The following SNX29 variants were observed in gnomAD, a reference collection of about 807,000 sequenced individuals.
SNX29 encodes sorting nexin-29.
A neutral mutation model predicts 102.1 loss-of-function variants in SNX29; 78 were observed. The observed-to-expected ratio is 0.76, with a 90% CI of 0.64 to 0.92. SNX29 has a LOEUF of 0.92. SNX29 is among the 40% of genes least tolerant of loss of function. The probability of loss-of-function intolerance (pLI) is 0.00; values close to 1 mark genes in which losing one functional copy is unlikely to be tolerated. For missense variants in SNX29, 1,280 were observed against 1,061.7 expected (o/e 1.21, Z -2.86); for synonymous variants, 580 against 414.5 (o/e 1.40, Z -4.85).
chr16:12,215,016 T>G (rs7201595), intron 14 of SNX29, among the ~76,000 whole-genome samples: 19,565 of 152,168 alleles, frequency 0.13, 2,189 homozygotes, highest in South Asian at 0.29. Flanking sequence ...CCTGGTGGGT[T>G]ATCAGTAGAC....
At chr16:12,491,991 C>G (rs576046710) in intron 19 of SNX29, among the ~76,000 whole-genome samples, 1 of 152,140 alleles carries the variant, frequency 6.6e-6, no homozygotes, top group African/African-American at 2.4e-5. Flanking sequence ...AATAAACATA[C>G]GTGTGCGTGT....
intron 20 of SNX29, among the ~76,000 whole-genome samples, chr16:12,526,040 A>G (rs1168007863): frequency 2.0e-5 from 3 of 152,210 alleles, no homozygotes; most frequent in Admixed American, 6.5e-5. Context: ...ACAGAATGTA[A>G]TTGTATTATT....
At chr16:12,063,945 G>T (rs1297293553) in intron 9 of SNX29, among the ~76,000 whole-genome samples, 2 of 152,070 alleles carry the variant, frequency 1.3e-5, no homozygotes, top group Non-Finnish European at 2.9e-5. Context: ...GTAGATGCAG[G>T]CAGGTCATCT....
intron 20 of SNX29, chr16:12,546,342 C>G (rs544610393): frequency 6.6e-6 from 1 of 152,224 alleles, no homozygotes; most frequent in Non-Finnish European, 1.5e-5. Flanking sequence ...TTAATGGACT[C>G]ACAGTTCCAT....
At chr16:12,190,131 A>C (rs2076605874) in intron 13 of SNX29, among the ~76,000 whole-genome samples, 1 of 151,990 alleles carries the variant, frequency 6.6e-6, no homozygotes, top group Non-Finnish European at 1.5e-5. Context: ...CTTTCTGGAG[A>C]AGCTCCTCTG....
rs1316466067 is a variant in SNX29, at chr16:11,976,763, AGCG to A, written c.-34_-32del. ...GGAGCTCGGCAGCCGCAGAAGCGGC[AGCG>A]GCGGCGGCGCGGCGCAGGCACCGGC... On this transcript the variant is annotated 5_prime_UTR_variant, in exon 1 of 21. Coordinates refer to ENST00000566228, the MANE Select transcript of SNX29 (RefSeq NM_032167.5). 4 of 1,287,050 alleles carry A rather than the reference AGCG, an allele frequency of 3.1e-6. No homozygotes were observed. Among genetic ancestry groups the A allele is most frequent in the Admixed American group, 3.6e-5 (1 of 27,926 alleles). 79.7% of individuals were successfully genotyped at this position (1,287,050 alleles called of 1,614,324 possible). A position where few individuals can be genotyped will look rare whatever the true frequency, so the allele number is the denominator to read the frequency against.
chr16:12,079,806 C>A (rs549299822), intron 11 of SNX29, among the ~76,000 whole-genome samples: 2 of 152,246 alleles, frequency 1.3e-5, no homozygotes, highest in Admixed American at 1.3e-4. Flanking sequence ...ACCAAAATAG[C>A]CATTTTAGCT....
At chr16:12,507,392 G>T (rs1198073366) in intron 19 of SNX29, among the ~76,000 whole-genome samples, 3 of 152,220 alleles carry the variant, frequency 2.0e-5, no homozygotes, top group Non-Finnish European at 2.9e-5. Flanking sequence ...ACAGTCAATG[G>T]CTAATGCAGA....
intron 18 of SNX29, among the ~76,000 whole-genome samples, chr16:12,440,729 A>G (rs769288430): frequency 3.3e-5 from 5 of 152,064 alleles, no homozygotes; most frequent in Non-Finnish European, 7.4e-5. Context: ...GATAAGGATA[A>G]TGGCCTCTAC....
intron 20 of SNX29, among the ~76,000 whole-genome samples, chr16:12,566,666 G>A (rs1003580859): frequency 6.0e-5 from 9 of 149,616 alleles, no homozygotes; most frequent in African/African-American, 1.7e-4. Flanking sequence ...CCTCTAAGGA[G>A]CATTCAGGGA....
intron 3 of SNX29, among the ~76,000 whole-genome samples, chr16:12,014,820 G>T (rs923125881): frequency 1.3e-5 from 2 of 151,612 alleles, no homozygotes; most frequent in African/African-American, 2.4e-5. Context: ...CCATTTTCTG[G>T]TTCCTCTGTA....
intron 13 of SNX29, among the ~76,000 whole-genome samples, chr16:12,134,629 C>T (rs1427781993): frequency 6.6e-6 from 1 of 152,146 alleles, no homozygotes; most frequent in East Asian, 1.9e-4. Context: ...ACAACTTGGC[C>T]TTGGAGGTGA....
intron 14 of SNX29, among the ~76,000 whole-genome samples, chr16:12,257,403 C>T (rs930036610): frequency 6.6e-6 from 1 of 152,180 alleles, no homozygotes; most frequent in Non-Finnish European, 1.5e-5. Flanking sequence ...GTCTGTAACT[C>T]TAATTATATC....
chr16:12,443,026 T>C (rs1483595132), intron 18 of SNX29: 1 of 455,944 alleles, frequency 2.2e-6, no homozygotes, highest in African/African-American at 2.0e-5. Flanking sequence ...ATTCTTAGTC[T>C]GTGGGCCGTA....
intron 20 of SNX29, among the ~76,000 whole-genome samples, chr16:12,563,127 C>A (rs1321827666): frequency 6.6e-6 from 1 of 152,096 alleles, no homozygotes; most frequent in Non-Finnish European, 1.5e-5. Flanking sequence ...TAGGAAAGGT[C>A]GCCACACGTC....
chr16:12,497,182 C>G (rs1429830379), intron 19 of SNX29, among the ~76,000 whole-genome samples: 1 of 152,198 alleles, frequency 6.6e-6, no homozygotes, highest in Non-Finnish European at 1.5e-5. Context: ...AACCAAGATC[C>G]TAAGGCATCT....
intron 1 of SNX29, among the ~76,000 whole-genome samples, chr16:11,988,687 A>T (rs2055727861): frequency 6.6e-6 from 1 of 151,906 alleles, no homozygotes; most frequent in South Asian, 2.1e-4. Flanking sequence ...GGTGTGAGCC[A>T]CCATGCTTGG....
chr16:12,560,475 C>T (rs779932824), intron 20 of SNX29, among the ~76,000 whole-genome samples: 4 of 152,286 alleles, frequency 2.6e-5, no homozygotes, highest in Non-Finnish European at 1.5e-5. Flanking sequence ...CTGGGAGTCA[C>T]ACTTACCTCC....
At chr16:12,235,803 GTGTGTGTA>G (rs1046163384) in intron 14 of SNX29, among the ~76,000 whole-genome samples, 12 of 151,666 alleles carry the variant, frequency 7.9e-5, no homozygotes, top group African/African-American at 2.9e-4. Context: ...GTGTGTGTGT[GTGTGTGTA>G]TGTGTATGTG....
Sources: gnomAD v4.1 joint callset for allele counts (sites outside exome capture counted in the v4.1 genomes callset) on GRCh38, gnomAD v4.1.1 for gene constraint, MANE v1.5 for transcripts, NCBI Gene and HGNC (gene_info 2026-07-23, HGNC 2026-07-21) for gene names.